CELF4: variants seen among roughly 807,000 people sequenced by gnomAD.
CELF4 encodes CUG-BP- and ETR-3-like factor 4.
A neutral mutation model predicts 59.9 loss-of-function variants in CELF4; 18 were observed. The ratio of observed to expected loss-of-function variants is 0.30; its 90% CI spans 0.21 to 0.45. The LOEUF (loss-of-function observed/expected upper bound fraction) is 0.45. CELF4 is among the 20% of genes least tolerant of loss of function. CELF4 has a pLI of 1.00. For missense variants in CELF4, 456 were observed against 689.0 expected, an observed-to-expected ratio of 0.66 and a Z score of 3.79; for synonymous variants, 261 against 267.1, an observed-to-expected ratio of 0.98 and a Z score of 0.22.
intron 2 of CELF4, among the ~76,000 whole-genome samples, chr18:37,388,449 TTC>T (rs2099122838): frequency 6.6e-6 from 1 of 151,336 alleles, no homozygotes; most frequent in African/African-American, 2.4e-5. Context: ...TCTCTCCTTC[TTC>T]TCTGTCTTCC....
chr18:37,274,606 C>T lies in CELF4; in HGVS notation c.658-152G>A, dbSNP rs186688229. On this transcript the variant is annotated intron_variant, in intron 5 of 12. Coordinates refer to ENST00000420428, the MANE Select transcript of CELF4 (RefSeq NM_020180.4). ...GCCCAGGGGAATGAGGTGTGAACCC[C>T]ACCGCGGGCATTTTCCACCTGGGTA... 7.4e-5 allele frequency: 113 copies of T among 1,530,806 alleles called. 1 individual carries two copies. In the Admixed American group the frequency reaches 2.4e-3, roughly 33 times the overall value. The allele number at this position is 1,530,806 out of a possible 1,614,324, so 94.8% of individuals were successfully genotyped here. A position where few individuals can be genotyped will look rare whatever the true frequency, so the allele number is the denominator to read the frequency against.
intron 2 of CELF4, among the ~76,000 whole-genome samples, chr18:37,387,915 G>A (rs942055666): frequency 3.3e-5 from 5 of 152,212 alleles, no homozygotes; most frequent in African/African-American, 1.2e-4. Flanking sequence ...CACCTGGCCT[G>A]GGGCTGGGGG....
At position 37,289,128 on chromosome 18, in the gene CELF4, G is replaced by A. The variant is rs370643318; in HGVS notation, c.449-13885C>T. ...AGTGCTTCCAAATTAGGGCCTGAGC[G>A]GCCCAGCTGTGGAGGGCAGACCATG... On this transcript the variant is annotated intron_variant, in intron 3 of 12. Transcript: ENST00000420428. 7.2e-5 allele frequency among the ~76,000 whole-genome samples: 11 copies of A among 152,224 alleles called. No homozygotes were observed. The East Asian group carries it at 1.6e-3, about 21-fold the overall frequency.
At chr18:37,406,351 A>G (rs534759127) in intron 2 of CELF4, among the ~76,000 whole-genome samples, 2 of 152,234 alleles carry the variant, frequency 1.3e-5, no homozygotes, top group Admixed American at 6.5e-5. Flanking sequence ...ATTCCCCAGC[A>G]TAAGCCCACA....
intron 2 of CELF4, among the ~76,000 whole-genome samples, chr18:37,397,102 A>AC (rs1202742402): frequency 6.6e-6 from 1 of 151,374 alleles, no homozygotes; most frequent in Admixed American, 6.6e-5. Flanking sequence ...TGCCTTTGTC[A>AC]CCCCCAGCTC....
At chr18:37,476,478 C>G (rs1430324628) in intron 2 of CELF4, among the ~76,000 whole-genome samples, 4 of 152,208 alleles carry the variant, frequency 2.6e-5, no homozygotes, top group Admixed American at 2.6e-4. Context: ...CTAGAGAGAC[C>G]TTATCTCCCC....
intron 2 of CELF4, among the ~76,000 whole-genome samples, chr18:37,358,049 G>A (rs1309492383): frequency 1.3e-5 from 2 of 152,178 alleles, no homozygotes; most frequent in African/African-American, 4.8e-5. Context: ...AGTTAATGCT[G>A]AAATGAGTTA....
At chr18:37,382,517 C>T (rs1569568267) in intron 2 of CELF4, among the ~76,000 whole-genome samples, 1 of 152,206 alleles carries the variant, frequency 6.6e-6, no homozygotes, top group South Asian at 2.1e-4. Context: ...TGCAGACCTG[C>T]TGGCCCACTG....
At chr18:37,500,537 CTTTTT>C (rs10714673) in intron 1 of CELF4, among the ~76,000 whole-genome samples, 1 of 98,940 alleles carries the variant, frequency 1.0e-5, no homozygotes, top group Admixed American at 9.7e-5. Context: ...TTTTCTTTTT[CTTTTT>C]TTTTTTTTTG....
chr18:37,422,805 C>A (rs1367765494), intron 2 of CELF4, among the ~76,000 whole-genome samples: 1 of 152,180 alleles, frequency 6.6e-6, no homozygotes, highest in Non-Finnish European at 1.5e-5. Context: ...AGACTACCCC[C>A]ACTCCTGATT....
chr18:37,481,669 G>C (rs1380285090), intron 2 of CELF4, among the ~76,000 whole-genome samples: 2 of 152,112 alleles, frequency 1.3e-5, no homozygotes, highest in Admixed American at 1.3e-4. Flanking sequence ...TGTGTGCCTC[G>C]ACTCTGGGCC....
intron 3 of CELF4, among the ~76,000 whole-genome samples, chr18:37,288,612 C>T (rs1013654448): frequency 2.6e-5 from 4 of 152,180 alleles, no homozygotes; most frequent in South Asian, 2.1e-4. Flanking sequence ...TCATCTAACA[C>T]GCAGAAGGCA....
intron 2 of CELF4, among the ~76,000 whole-genome samples, chr18:37,469,312 A>G (rs534244150): frequency 2.0e-5 from 3 of 152,224 alleles, no homozygotes; most frequent in East Asian, 1.9e-4. Context: ...TGGCACAGAC[A>G]GTGATGTGGA....
intron 3 of CELF4, among the ~76,000 whole-genome samples, chr18:37,314,754 C>T (rs998205212): frequency 3.3e-5 from 5 of 152,178 alleles, no homozygotes; most frequent in East Asian, 1.9e-4. Flanking sequence ...GACATTCTCA[C>T]GGCCAGCTCA....
At chr18:37,377,898 T>G (rs1183191963) in intron 2 of CELF4, among the ~76,000 whole-genome samples, 1 of 151,836 alleles carries the variant, frequency 6.6e-6, no homozygotes, top group African/African-American at 2.4e-5. Flanking sequence ...CAGAAGGAGA[T>G]GGGGGACTAG....
chr18:37,261,111 C>T (rs557359820), intron 10 of CELF4, among the ~76,000 whole-genome samples: 6 of 152,138 alleles, frequency 3.9e-5, no homozygotes, highest in African/African-American at 7.2e-5. Context: ...TGCTCATGCC[C>T]GAATCCACAC....
At chr18:37,493,873 A>C (rs993684899) in intron 1 of CELF4, among the ~76,000 whole-genome samples, 2 of 152,114 alleles carry the variant, frequency 1.3e-5, no homozygotes, top group African/African-American at 4.8e-5. Flanking sequence ...CCCATTCTAG[A>C]GTGCGAATGA....
intron 2 of CELF4, among the ~76,000 whole-genome samples, chr18:37,392,573 C>T (rs900994774): frequency 3.3e-5 from 5 of 152,164 alleles, no homozygotes; most frequent in Non-Finnish European, 5.9e-5. Flanking sequence ...CCTTCACCTC[C>T]AAAGTTCCTT....
chr18:37,277,435 C>G (rs991775035), intron 3 of CELF4, among the ~76,000 whole-genome samples: 1 of 152,166 alleles, frequency 6.6e-6, no homozygotes, highest in African/African-American at 2.4e-5. Flanking sequence ...CCCCCACTTA[C>G]TCCAGGCTCT....
Sources: gnomAD v4.1 joint callset for allele counts (sites outside exome capture counted in the v4.1 genomes callset) on GRCh38, gnomAD v4.1.1 for gene constraint, MANE v1.5 for transcripts, NCBI Gene and HGNC (gene_info 2026-07-23, HGNC 2026-07-21) for gene names.